The following CRPPA variants were observed in gnomAD, a reference collection of about 807,000 sequenced individuals.
CRPPA encodes D-ribitol-5-phosphate cytidylyltransferase.
A neutral mutation model predicts 52.0 loss-of-function variants in CRPPA; 43 were observed. The ratio of observed to expected loss-of-function variants is 0.83; its 90% CI spans 0.65 to 1.07. CRPPA has a LOEUF of 1.07. Ranked by LOEUF, CRPPA falls within the 50% of genes least tolerant of loss-of-function variation. CRPPA has a pLI of 0.00. For missense variants in CRPPA, 629 were observed against 551.7 expected (o/e 1.14, Z -1.40); for synonymous variants, 250 against 203.5 (o/e 1.23, Z -1.94).
chr7:16,215,690 C>T (rs1025310649), intron 9 of CRPPA, among the ~76,000 whole-genome samples: 35 of 151,940 alleles, frequency 2.3e-4, no homozygotes, highest in African/African-American at 6.8e-4. Context: ...AGGGTTGCCA[C>T]GTAAATATAA....
chr7:16,406,933 G>C lies in CRPPA; in HGVS notation c.258-596C>G, dbSNP rs1442360897. Among the ~76,000 whole-genome samples, 3 of 152,288 alleles carry C rather than the reference G, an allele frequency of 2.0e-5. No homozygotes were observed. The East Asian group carries it at 5.8e-4, about 29-fold the overall frequency. On this transcript the variant is annotated intron_variant, in intron 1 of 9. Transcript: ENST00000407010. ...GGAAAAGCTTACAATTCATGAAATA[G>C]GATTGTTCTATTGAGTCATATACAA...
At chr7:16,097,163 A>T (rs1038460395) in intron 9 of CRPPA, among the ~76,000 whole-genome samples, 1 of 152,136 alleles carries the variant, frequency 6.6e-6, no homozygotes, top group African/African-American at 2.4e-5. Context: ...GCTTCAGTAA[A>T]AGGCCCCTAA....
chr7:16,137,574 T>C (rs1782785492), intron 9 of CRPPA, among the ~76,000 whole-genome samples: 1 of 152,194 alleles, frequency 6.6e-6, no homozygotes, highest in Non-Finnish European at 1.5e-5. Context: ...GAGGGTTGAA[T>C]TTTAGAGACA....
chr7:16,365,941 G>T (rs1009489387), intron 3 of CRPPA, among the ~76,000 whole-genome samples: 2 of 152,160 alleles, frequency 1.3e-5, no homozygotes, highest in Admixed American at 6.5e-5. Flanking sequence ...AAACATTAAA[G>T]CATATTGAAA....
chr7:16,214,505 AT>A (rs908845496), intron 9 of CRPPA, among the ~76,000 whole-genome samples: 3 of 150,138 alleles, frequency 2.0e-5, no homozygotes, highest in Admixed American at 6.7e-5. Flanking sequence ...AACAAAAAAG[AT>A]TTTTTTTTTG....
chr7:16,205,133 C>T (rs1340388364), intron 9 of CRPPA, among the ~76,000 whole-genome samples: 2 of 152,192 alleles, frequency 1.3e-5, no homozygotes, highest in East Asian at 3.9e-4. Flanking sequence ...TTCACCATTA[C>T]TTATGTTCTT....
intron 6 of CRPPA, among the ~76,000 whole-genome samples, chr7:16,267,954 T>A (rs1783996277): frequency 1.3e-5 from 2 of 152,180 alleles, no homozygotes; most frequent in Admixed American, 1.3e-4. Context: ...GTATATAGGT[T>A]ATATGTAAAC....
At chr7:16,220,909 A>T (rs1203153587) in intron 8 of CRPPA, among the ~76,000 whole-genome samples, 3 of 152,202 alleles carry the variant, frequency 2.0e-5, no homozygotes, top group Non-Finnish European at 4.4e-5. Flanking sequence ...CCATCAAGCT[A>T]CCAGTGACTT....
At chr7:16,154,700 G>T (rs1172130186) in intron 9 of CRPPA, among the ~76,000 whole-genome samples, 1 of 151,796 alleles carries the variant, frequency 6.6e-6, no homozygotes, top group Non-Finnish European at 1.5e-5. Flanking sequence ...CAAAACATGA[G>T]TCTTTCCAAT....
intron 2 of CRPPA, among the ~76,000 whole-genome samples, chr7:16,383,461 G>C (rs1356079390): frequency 1.3e-5 from 2 of 152,218 alleles, no homozygotes; most frequent in African/African-American, 4.8e-5. Context: ...CCCACTTGAG[G>C]AGGCAGTCTG....
chr7:16,111,208 C>T (rs1341800754), intron 9 of CRPPA, among the ~76,000 whole-genome samples: 1 of 151,928 alleles, frequency 6.6e-6, no homozygotes, highest in Non-Finnish European at 1.5e-5. Flanking sequence ...TAGAGAAATG[C>T]AAATTTAACC....
chr7:16,269,625 AAAG>A (rs778045180), intron 6 of CRPPA: 1 of 152,294 alleles, frequency 6.6e-6, no homozygotes, highest in Middle Eastern at 3.4e-3. Context: ...TAGGCCTTGG[AAAG>A]AAGTTTTCCA....
At chr7:16,131,739 CCCA>C in intron 9 of CRPPA, among the ~76,000 whole-genome samples, 1 of 152,136 alleles carries the variant, frequency 6.6e-6, no homozygotes, top group Non-Finnish European at 1.5e-5. Context: ...CACTACCATG[CCCA>C]GCTAATTTTT....
chr7:16,371,409 A>C (rs982674383), intron 3 of CRPPA, among the ~76,000 whole-genome samples: 6 of 152,130 alleles, frequency 3.9e-5, no homozygotes, highest in Admixed American at 3.3e-4. Context: ...GCATCTGGGA[A>C]AGCCAGTGCA....
At chr7:16,160,601 G>A (rs139245631) in intron 9 of CRPPA, among the ~76,000 whole-genome samples, 354 of 152,242 alleles carry the variant, frequency 2.3e-3, no homozygotes, top group Non-Finnish European at 4.1e-3. Flanking sequence ...GTAGCATGAT[G>A]CCTACAGCTT....
At chr7:16,189,066 G>A (rs1436390692) in intron 9 of CRPPA, among the ~76,000 whole-genome samples, 3 of 152,094 alleles carry the variant, frequency 2.0e-5, no homozygotes, top group Non-Finnish European at 4.4e-5. Context: ...CGATGTCTCT[G>A]AAGACTCTGG....
At chr7:16,249,003 GA>G (rs1783359875) in intron 8 of CRPPA, among the ~76,000 whole-genome samples, 1 of 152,196 alleles carries the variant, frequency 6.6e-6, no homozygotes, top group Admixed American at 6.5e-5. Context: ...ACAGCAGTCT[GA>G]GATCGACCTG....
chr7:16,407,935 CG>C (rs1392702498), intron 1 of CRPPA, among the ~76,000 whole-genome samples: 1 of 151,664 alleles, frequency 6.6e-6, no homozygotes, highest in East Asian at 1.9e-4. Context: ...AGTGAAACTC[CG>C]TCTCTACCAA....
At chr7:16,152,110 G>A (rs912780791) in intron 9 of CRPPA, among the ~76,000 whole-genome samples, 1 of 151,904 alleles carries the variant, frequency 6.6e-6, no homozygotes, top group Admixed American at 6.6e-5. Flanking sequence ...TATAATCAAT[G>A]TGAATGTGGT....
Sources: allele counts gnomAD v4.1 joint callset (sites outside exome capture counted in the v4.1 genomes callset), GRCh38; gene constraint gnomAD v4.1.1; transcripts MANE v1.5; gene names NCBI Gene and HGNC (gene_info 2026-07-23, HGNC 2026-07-21).